TAMM41: variants seen among roughly 807,000 people sequenced by gnomAD.
The protein encoded by TAMM41 is TAM41 mitochondrial translocator assembly and maintenance homolog.
Under a neutral mutation model 44.1 loss-of-function variants are expected in TAMM41, and 36 were observed. The ratio of observed to expected loss-of-function variants is 0.82; its 90% CI spans 0.63 to 1.08. The LOEUF (loss-of-function observed/expected upper bound fraction) is 1.08. Among genes scored for constraint, TAMM41 ranks in the 50% least tolerant of loss-of-function variants. TAMM41 has a pLI of 0.00. For synonymous variants in TAMM41, 164 were observed against 153.1 expected (o/e 1.07, Z -0.53); for missense variants, 417 against 404.3 (o/e 1.03, Z -0.27).
downstream of TAMM41, among the ~76,000 whole-genome samples, chr3:11,785,466 C>T (rs562215796): frequency 5.3e-3 from 804 of 152,284 alleles, 5 homozygotes; most frequent in Non-Finnish European, 9.1e-3. Flanking sequence ...GATGGGACTA[C>T]AGGCACCCCC....
chr3:11,732,891 T>A, the TAMM41 span, among the ~76,000 whole-genome samples: 7 of 151,884 alleles, frequency 4.6e-5, no homozygotes, highest in East Asian at 1.4e-3. Flanking sequence ...AAGAAAAACC[T>A]GGGAAGTGGT....
rs749534798 is a variant in TAMM41 at position 11,844,173 on chromosome 3, A to G, written c.174T>C (p.Pro58=). Residue 58 remains proline, a synonymous_variant, in exon 2 of 8, where the codon CCT becomes CCC. Transcript: ENST00000455809. ...TCAGGTTCTTTGAATGCCATGCGAC[A>G]GGGTCATCTACTGTGAACACAAAGT... ...MLDFVFTVDD[P]VAWHSKNLKK... The G allele has an allele frequency of 1.2e-6, 2 of 1,614,238 alleles. No individual in the cohort carries two copies. The highest frequency in any genetic ancestry group is 3.3e-4 in the Middle Eastern group (2 of 6,062).
the TAMM41 span, among the ~76,000 whole-genome samples, chr3:11,773,488 T>A: frequency 6.6e-6 from 1 of 152,104 alleles, no homozygotes; most frequent in South Asian, 2.1e-4. Context: ...CCAAAAGTGC[T>A]AGGATTACAG....
At chr3:11,768,532 G>A in the TAMM41 span, among the ~76,000 whole-genome samples, 1 of 152,172 alleles carries the variant, frequency 6.6e-6, no homozygotes, top group South Asian at 2.1e-4. Context: ...AAAAACATAT[G>A]TTTTATGCAA....
At chr3:11,844,813 T>C (rs2079603435) in intron 1 of TAMM41, 2 of 420,416 alleles carry the variant, frequency 4.8e-6, no homozygotes, top group Non-Finnish European at 9.5e-6. Flanking sequence ...GGTAGAAGTA[T>C]AGAGCTCAGA....
At chr3:11,736,095 G>A in the TAMM41 span, among the ~76,000 whole-genome samples, 8 of 152,168 alleles carry the variant, frequency 5.3e-5, no homozygotes, top group Non-Finnish European at 1.2e-4. Context: ...AGAGAGCAAT[G>A]TACAATATCA....
At chr3:11,829,279 T>C (rs1190259105) in intron 4 of TAMM41, among the ~76,000 whole-genome samples, 1 of 152,088 alleles carries the variant, frequency 6.6e-6, no homozygotes, top group Non-Finnish European at 1.5e-5. Flanking sequence ...ATCAACTGTC[T>C]GGGGTAGGGC....
the TAMM41 span, among the ~76,000 whole-genome samples, chr3:11,746,436 A>C: frequency 6.6e-6 from 1 of 152,198 alleles, no homozygotes; most frequent in East Asian, 1.9e-4. Context: ...TTTACCAATA[A>C]GAGCCAAAAG....
At chr3:11,771,875 GC>G in the TAMM41 span, among the ~76,000 whole-genome samples, 49 of 152,150 alleles carry the variant, frequency 3.2e-4, no homozygotes, top group African/African-American at 1.1e-3. Flanking sequence ...GAGCCACCAC[GC>G]CCGGCCTGTT....
chr3:11,761,730 C>T, the TAMM41 span, among the ~76,000 whole-genome samples: 2 of 151,678 alleles, frequency 1.3e-5, no homozygotes, highest in African/African-American at 2.4e-5. Context: ...GTGGATCACC[C>T]GAGGTCAGGA....
the TAMM41 span, among the ~76,000 whole-genome samples, chr3:11,769,528 T>C: frequency 6.6e-6 from 1 of 152,158 alleles, no homozygotes; most frequent in Non-Finnish European, 1.5e-5. Flanking sequence ...ACTCTGCTGC[T>C]GTAGTGTGAA....
the TAMM41 span, among the ~76,000 whole-genome samples, chr3:11,774,928 G>A: frequency 6.6e-6 from 1 of 150,762 alleles, no homozygotes; most frequent in Non-Finnish European, 1.5e-5. Flanking sequence ...GAGTGCAGTG[G>A]TGCGATCTCG....
At chr3:11,823,045 C>T (rs1402993527) in intron 4 of TAMM41, among the ~76,000 whole-genome samples, 2 of 152,064 alleles carry the variant, frequency 1.3e-5, no homozygotes, top group South Asian at 2.1e-4. Context: ...TTGTTCTTGC[C>T]TTTCTTTTTT....
intron 5 of TAMM41, among the ~76,000 whole-genome samples, chr3:11,811,960 C>T (rs2078100536): frequency 6.6e-6 from 1 of 152,152 alleles, no homozygotes; most frequent in African/African-American, 2.4e-5. Flanking sequence ...CAGAGTCTCG[C>T]TCTGTTGCCC....
At chr3:11,771,685 C>T in the TAMM41 span, among the ~76,000 whole-genome samples, 5 of 151,214 alleles carry the variant, frequency 3.3e-5, no homozygotes, top group Non-Finnish European at 5.9e-5. Context: ...CAGGTTCAAG[C>T]GATTCTCCTG....
At chr3:11,725,456 T>TCC in the TAMM41 span, among the ~76,000 whole-genome samples, 1 of 149,648 alleles carries the variant, frequency 6.7e-6, no homozygotes, top group African/African-American at 2.5e-5. Context: ...CTCCTCCTCC[T>TCC]TCTTCTTCTT....
the TAMM41 span, among the ~76,000 whole-genome samples, chr3:11,731,676 G>C: frequency 2.6e-5 from 4 of 152,080 alleles, no homozygotes; most frequent in African/African-American, 9.7e-5. Context: ...TTCCAGGGTG[G>C]GAGAGAGGCT....
intron 7 of TAMM41, among the ~76,000 whole-genome samples, chr3:11,805,617 G>A (rs1019983545): frequency 6.6e-6 from 1 of 152,126 alleles, no homozygotes; most frequent in Non-Finnish European, 1.5e-5. Flanking sequence ...CGGTCCTTGA[G>A]GGCCAAATGC....
chr3:11,844,496 G>T (rs138988582), intron 1 of TAMM41, among the ~76,000 whole-genome samples: 44 of 152,252 alleles, frequency 2.9e-4, no homozygotes, highest in Non-Finnish European at 5.9e-4. Flanking sequence ...ACCCTACAAG[G>T]TAGCTACTGC....
Sources: gnomAD v4.1 joint callset for allele counts (sites outside exome capture counted in the v4.1 genomes callset) on GRCh38, gnomAD v4.1.1 for gene constraint, MANE v1.5 for transcripts, NCBI Gene and HGNC (gene_info 2026-07-23, HGNC 2026-07-21) for gene names.